C8orf34: variants seen among roughly 807,000 people sequenced by gnomAD.
The protein encoded by C8orf34 is uncharacterized protein C8orf34.
C8orf34 carries 65 observed loss-of-function variants against 68.3 expected under a neutral mutation model. The observed-to-expected ratio is 0.95, with a 90% CI of 0.78 to 1.17. The LOEUF is 1.17. C8orf34 is among the 50% of genes most tolerant of loss of function. C8orf34 has a pLI of 0.00. For missense variants in C8orf34, 664 were observed against 655.4 expected, an observed-to-expected ratio of 1.01 and a Z score of -0.14; for synonymous variants, 244 against 241.2, an observed-to-expected ratio of 1.01 and a Z score of -0.11.
At chr8:68,775,105 A>C (rs1823476592) in intron 10 of C8orf34, among the ~76,000 whole-genome samples, 1 of 151,184 alleles carries the variant, frequency 6.6e-6, no homozygotes, top group South Asian at 2.1e-4. Flanking sequence ...TCAGACTAGA[A>C]TCCAGTCCAA....
chr8:68,436,899 A>G (rs2129625460), intron 1 of C8orf34, among the ~76,000 whole-genome samples: 1 of 152,270 alleles, frequency 6.6e-6, no homozygotes, highest in Middle Eastern at 3.4e-3. Flanking sequence ...AAATCTAAGG[A>G]TTTAAATTTT....
At chr8:68,529,267 A>G (rs761952915) in intron 6 of C8orf34, among the ~76,000 whole-genome samples, 1 of 152,202 alleles carries the variant, frequency 6.6e-6, no homozygotes, top group Non-Finnish European at 1.5e-5. Context: ...TGTCAATGTC[A>G]CAGGACGACC....
At position 68,375,655 on chromosome 8, in the gene C8orf34, A is replaced by G. The variant is rs192277482; in HGVS notation, c.327+44316A>G. 6.6e-5 allele frequency among the ~76,000 whole-genome samples: 10 copies of G among 152,374 alleles called. No homozygotes were observed. In the East Asian group the frequency reaches 1.9e-3, roughly 29 times the overall value. On this transcript the variant is annotated intron_variant, in intron 1 of 13. Coordinates refer to ENST00000518698, the MANE Select transcript of C8orf34 (RefSeq NM_052958.4). ...GACCAATTCATGAAGTATTTGTTAGAGAATGGGTCCTTGGGAATATTACCT... is the reference window on the plus strand; with the variant it reads ...GACCAATTCATGAAGTATTTGTTAGGGAATGGGTCCTTGGGAATATTACCT...
At chr8:68,371,528 G>A (rs1807561900) in intron 1 of C8orf34, among the ~76,000 whole-genome samples, 2 of 151,642 alleles carry the variant, frequency 1.3e-5, no homozygotes, top group Admixed American at 1.3e-4. Flanking sequence ...TAGTGTTGAA[G>A]CTTTGTAATT....
chr8:68,521,487 C>G (rs1023246927), intron 5 of C8orf34, among the ~76,000 whole-genome samples: 1 of 152,106 alleles, frequency 6.6e-6, no homozygotes. Flanking sequence ...CTATGTGGGC[C>G]GCCCTGTTTA....
In C8orf34 at chr8:68,331,231, C is replaced by T; in HGVS notation, c.219C>T (p.Arg73=). Residue 73 remains arginine (R), a synonymous_variant, in exon 1 of 14, where the codon CGC becomes CGT. Transcript: ENST00000518698. ...RVVPSGGAQP[R]VLPALSSRSH... ...TCCCCAGCGGAGGCGCACAGCCGCGCGTTCTCCCTGCACTCTCTTCGCGGT... is the reference window on the plus strand; with the variant it reads ...TCCCCAGCGGAGGCGCACAGCCGCGTGTTCTCCCTGCACTCTCTTCGCGGT... The T allele has an allele frequency of 6.5e-7, 1 of 1,536,210 alleles. No individual in the cohort carries two copies. The highest frequency in any genetic ancestry group is 8.7e-7 in the Non-Finnish European group (1 of 1,146,920).
At position 68,632,591 on chromosome 8, in the gene C8orf34, C is replaced by T. The variant is rs1427700443; in HGVS notation, c.1106-7785C>T. ...GACAATGAGGAAAGTACCTCCAGGG[C>T]ATGTCAGAGATCTTCACAGCAGCCC... On this transcript the variant is annotated intron_variant, in intron 7 of 13. Coordinates refer to ENST00000518698, the MANE Select transcript of C8orf34 (RefSeq NM_052958.4). Among the ~76,000 whole-genome samples, 4 of 151,990 alleles carry T rather than the reference C, an allele frequency of 2.6e-5. No individual in the cohort carries two copies. The East Asian group carries it at 7.7e-4, about 29-fold the overall frequency.
intron 12 of C8orf34, among the ~76,000 whole-genome samples, chr8:68,809,667 C>T (rs920665095): frequency 6.6e-6 from 1 of 152,200 alleles, no homozygotes; most frequent in African/African-American, 2.4e-5. Flanking sequence ...ATGGGGGACC[C>T]AGTGTTATAC....
At chr8:68,530,609 T>A in intron 6 of C8orf34, 1 of 1,262,704 alleles carries the variant, frequency 7.9e-7, no homozygotes, top group Non-Finnish European at 1.0e-6. Flanking sequence ...AGACACGTAA[T>A]GCAATGATGC....
At chr8:68,413,321 C>T (rs1223838639) in intron 1 of C8orf34, among the ~76,000 whole-genome samples, 1 of 152,242 alleles carries the variant, frequency 6.6e-6, no homozygotes, top group Non-Finnish European at 1.5e-5. Flanking sequence ...CAGACAAACA[C>T]TGCCAACTGC....
At chr8:68,668,451 G>T (rs1819908692) in intron 8 of C8orf34, among the ~76,000 whole-genome samples, 1 of 152,144 alleles carries the variant, frequency 6.6e-6, no homozygotes, top group African/African-American at 2.4e-5. Context: ...TTCAACTTCA[G>T]AAGGGACACT....
chr8:68,599,718 G>C (rs1226426006), intron 7 of C8orf34, among the ~76,000 whole-genome samples: 1 of 151,932 alleles, frequency 6.6e-6, no homozygotes, highest in Non-Finnish European at 1.5e-5. Flanking sequence ...TATATGCAAG[G>C]TTTTGGAGAA....
At chr8:68,464,855 A>G (rs1468366163) in intron 3 of C8orf34, among the ~76,000 whole-genome samples, 6 of 152,228 alleles carry the variant, frequency 3.9e-5, no homozygotes, top group Admixed American at 2.6e-4. Context: ...CCCTAGAAGA[A>G]AACCTAGGCA....
intron 7 of C8orf34, among the ~76,000 whole-genome samples, chr8:68,602,757 C>T (rs996357351): frequency 5.9e-5 from 9 of 151,920 alleles, no homozygotes; most frequent in African/African-American, 2.2e-4. Context: ...TCGTTGACAT[C>T]ACTCTGGTGC....
rs1823676557 is a variant in C8orf34, at chr8:68,781,401, TG to T, written c.1455+4953del. Reference sequence around the variant, plus strand: ...CCACTCCTAGTCCCTGTACATTTGCTGTAATTATGGTGAAAGTGTTTTAGAA... The same window carrying T: ...CCACTCCTAGTCCCTGTACATTTGCTTAATTATGGTGAAAGTGTTTTAGAA... On this transcript the variant is annotated intron_variant, in intron 11 of 13. Transcript: ENST00000518698. Among the ~76,000 whole-genome samples, 5 of 152,332 alleles carry T rather than the reference TG, an allele frequency of 3.3e-5. No individual in the cohort carries two copies. The South Asian group carries it at 1.0e-3, about 32-fold the overall frequency.
chr8:68,622,487 G>T (rs1209944310), intron 7 of C8orf34, among the ~76,000 whole-genome samples: 1 of 152,170 alleles, frequency 6.6e-6, no homozygotes, highest in Non-Finnish European at 1.5e-5. Context: ...AGTGAGAAAG[G>T]GACCAGAACA....
intron 1 of C8orf34, among the ~76,000 whole-genome samples, chr8:68,379,013 A>G (rs771528150): frequency 2.0e-5 from 3 of 152,216 alleles, no homozygotes; most frequent in Admixed American, 1.3e-4. Flanking sequence ...ATTTATATGA[A>G]TTATTTGTAT....
chr8:68,768,028 T>G (rs537349682), intron 10 of C8orf34, among the ~76,000 whole-genome samples: 1 of 152,372 alleles, frequency 6.6e-6, no homozygotes, highest in Admixed American at 6.5e-5. Context: ...TTTGTCCTTT[T>G]TATTTATGAG....
chr8:68,337,366 G>C (rs1055324749), intron 1 of C8orf34, among the ~76,000 whole-genome samples: 1 of 152,118 alleles, frequency 6.6e-6, no homozygotes, highest in Non-Finnish European at 1.5e-5. Context: ...ACTGAATAAT[G>C]AGAAAATATC....
Sources: allele counts gnomAD v4.1 joint callset (sites outside exome capture counted in the v4.1 genomes callset), GRCh38; gene constraint gnomAD v4.1.1; transcripts MANE v1.5; gene names NCBI Gene and HGNC (gene_info 2026-07-23, HGNC 2026-07-21).